The following FOXK1 variants were observed in gnomAD, a reference collection of about 807,000 sequenced individuals.
FOXK1 encodes forkhead box K1.
A neutral mutation model predicts 51.9 loss-of-function variants in FOXK1; 19 were observed. The ratio of observed to expected loss-of-function variants is 0.37; its 90% CI spans 0.26 to 0.54. FOXK1 has a LOEUF of 0.54. Among genes scored for constraint, FOXK1 ranks in the 20% least tolerant of loss-of-function variants. The pLI is 0.87. For missense variants in FOXK1, 870 were observed against 1,032.7 expected (o/e 0.84, Z 2.16); for synonymous variants, 537 against 482.6 (o/e 1.11, Z -1.48).
chr7:4,762,531 A>C lies in FOXK1; in HGVS notation c.*67A>C. On this transcript the variant is annotated 3_prime_UTR_variant, in exon 9 of 9. Transcript: ENST00000328914. The surrounding 1 kb of genome is among the most constrained non-coding windows in gnomAD (Gnocchi z 5.7). The stretch of plus-strand genomic sequence containing the variant: ...ACCCCGAAGCTGGACCCGGCAGCTC[A>C]GGCGGCCGCACCCACAGACGGAGGA... 6.9e-7 allele frequency: 1 copy of C among 1,457,724 alleles called. No homozygotes were observed. The allele number at this position is 1,457,724 out of a possible 1,614,324, so 90.3% of individuals were successfully genotyped here.
chr7:4,766,310 G>A lies in FOXK1; in HGVS notation c.*3846G>A, dbSNP rs1435055098. ...GCGCCATGCGCTCTGGGTGAAATGA[G>A]ACGCTGGTGTGGGGTCCCCATGTAG... On this transcript the variant is annotated 3_prime_UTR_variant, in exon 9 of 9. Coordinates refer to ENST00000328914, the MANE Select transcript of FOXK1 (RefSeq NM_001037165.2). This position sits in a 1 kb window ranked among gnomAD's most constrained non-coding sequence, Gnocchi z 5.5. 2 of 152,300 alleles carry A rather than the reference G, an allele frequency of 1.3e-5. No homozygotes were observed. The highest frequency in any genetic ancestry group is 4.8e-5 in the African/African-American group (2 of 41,458). 9.4% of individuals were successfully genotyped at this position (152,300 alleles called of 1,614,324 possible).
rs1040856337 is a variant in FOXK1 at position 4,703,488 on chromosome 7, C to A, written c.560+20620C>A. Among the ~76,000 whole-genome samples, 2 of 152,174 alleles carry A rather than the reference C, an allele frequency of 1.3e-5. No homozygotes were observed. The highest frequency in any genetic ancestry group is 4.8e-5 in the African/African-American group (2 of 41,458). On this transcript the variant is annotated intron_variant, in intron 1 of 8. Transcript: ENST00000328914. The surrounding 1 kb of genome is among the most constrained non-coding windows in gnomAD (Gnocchi z 5.6). ...CCTGGTGTCCTCGCCCCACAAGGCT[C>A]CCCCAGGGTGGCCCGACCCTGCTGC...
intron 1 of FOXK1, among the ~76,000 whole-genome samples, chr7:4,739,501 G>A (rs1054689035): frequency 6.6e-6 from 1 of 152,210 alleles, no homozygotes; most frequent in East Asian, 1.9e-4. Flanking sequence ...AAGGTGACCT[G>A]GATAAGTAAT....
rs1301139252 is a variant in FOXK1, at chr7:4,723,535, C to A, written c.561-17303C>A. ...CCTTCCTGTTGCCTCTAGGGCCTGT[C>A]CATCCCGTCAGCCCACGGTGCCTCT... On this transcript the variant is annotated intron_variant, in intron 1 of 8. Transcript: ENST00000328914. The surrounding 1 kb of genome is among the most constrained non-coding windows in gnomAD (Gnocchi z 4.7). Among the ~76,000 whole-genome samples, 3 of 152,152 alleles carry A rather than the reference C, an allele frequency of 2.0e-5. No homozygotes were observed. The highest frequency in any genetic ancestry group is 2.9e-5 in the Non-Finnish European group (2 of 68,036).
intron 1 of FOXK1, among the ~76,000 whole-genome samples, chr7:4,688,363 C>T (rs893175385): frequency 1.0e-4 from 15 of 149,786 alleles, no homozygotes; most frequent in Admixed American, 5.3e-4. Flanking sequence ...GTTTCTCTTA[C>T]TGTCGGCATG....
chr7:4,682,333 G>GGCGCCC lies in FOXK1; in HGVS notation c.32_37dup (p.Arg11_Ala12dup). The GGCGCCC allele has an allele frequency of 1.0e-6, 1 of 993,908 alleles. No homozygotes were observed. Among genetic ancestry groups the GGCGCCC allele is most frequent in the Non-Finnish European group, 1.2e-6 (1 of 837,678 alleles). 61.6% of individuals were successfully genotyped at this position (993,908 alleles called of 1,614,324 possible). ...CATGGCCGAAGTCGGCGAGGACAGCGGCGCCCGCGCCCTGCTCGCGCTGCG... is the reference window on the plus strand; with the variant it reads ...CATGGCCGAAGTCGGCGAGGACAGCGGCGCCCGCGCCCGCGCCCTGCTCGCGCTGCG... On this transcript the variant is annotated inframe_insertion, in exon 1 of 9. Transcript: ENST00000328914. The surrounding 1 kb of genome is among the most constrained non-coding windows in gnomAD (Gnocchi z 7.6).
At chr7:4,719,053 C>T (rs910808993) in intron 1 of FOXK1, among the ~76,000 whole-genome samples, 1 of 152,194 alleles carries the variant, frequency 6.6e-6, no homozygotes, top group African/African-American at 2.4e-5. Flanking sequence ...AGGTGATCCA[C>T]CCACCTTGGC....
chr7:4,731,430 C>T lies in FOXK1; in HGVS notation c.561-9408C>T, dbSNP rs528337522. Among the ~76,000 whole-genome samples, 1 of 152,320 alleles carries T rather than the reference C, an allele frequency of 6.6e-6. No individual in the cohort carries two copies. Among genetic ancestry groups the T allele is most frequent in the East Asian group, 1.9e-4 (1 of 5,178 alleles). On this transcript the variant is annotated intron_variant, in intron 1 of 8. Transcript: ENST00000328914. The surrounding 1 kb of genome is among the most constrained non-coding windows in gnomAD (Gnocchi z 5.3). ...CCCATTCTTGAGTCTTTCATTTCTT[C>T]AAGGACATGGTAGCAACATTTAAAG...
At chr7:4,701,991 C>G (rs1780026406) in intron 1 of FOXK1, among the ~76,000 whole-genome samples, 1 of 152,128 alleles carries the variant, frequency 6.6e-6, no homozygotes, top group African/African-American at 2.4e-5. Flanking sequence ...GAGAAGATCG[C>G]CTGAGCCTGG....
chr7:4,757,621 C>T (rs1203050675), intron 5 of FOXK1, among the ~76,000 whole-genome samples: 7 of 56,612 alleles, frequency 1.2e-4, no homozygotes, highest in Non-Finnish European at 2.2e-4. Flanking sequence ...GCGACAAGAG[C>T]AAAACTCCGT....
rs184859625 is a variant in FOXK1, at chr7:4,747,632, C to G, written c.746+6609C>G. Among the ~76,000 whole-genome samples the G allele has an allele frequency of 7.9e-5, 12 of 152,108 alleles. No individual in the cohort carries two copies. Among genetic ancestry groups the G allele is most frequent in the Admixed American group, 6.5e-4 (10 of 15,268 alleles). On this transcript the variant is annotated intron_variant, in intron 2 of 8. Coordinates refer to ENST00000328914, the MANE Select transcript of FOXK1 (RefSeq NM_001037165.2). The surrounding 1 kb of genome is among the most constrained non-coding windows in gnomAD (Gnocchi z 9.2). ...CTCACTGCAACCTCAACCTCCCGGG[C>G]TCAAGCGATCCTCCCACTGCAGCCT... is the stretch of plus-strand genomic sequence containing the variant.
intron 2 of FOXK1, among the ~76,000 whole-genome samples, chr7:4,744,401 C>G (rs1780674785): frequency 6.6e-6 from 1 of 152,180 alleles, no homozygotes; most frequent in South Asian, 2.1e-4. Flanking sequence ...ACCCCTCGCC[C>G]TCTCCCGCCT....
At position 4,683,002 on chromosome 7, in the gene FOXK1, C is replaced by T; in HGVS notation, c.560+134C>T. On this transcript the variant is annotated intron_variant, in intron 1 of 8. Coordinates refer to ENST00000328914, the MANE Select transcript of FOXK1 (RefSeq NM_001037165.2). The surrounding 1 kb of genome is among the most constrained non-coding windows in gnomAD (Gnocchi z 4.5). ...CACCCCCCGGCCCACCCCCGGTAAC[C>T]CCCGACCGGCCTGGACTCCGGGGTC... 4 of 933,430 alleles carry T rather than the reference C, an allele frequency of 4.3e-6. No individual in the cohort carries two copies. The South Asian group carries it at 7.7e-5, about 18-fold the overall frequency. The allele number at this position is 933,430 out of a possible 1,614,324, so 57.8% of individuals were successfully genotyped here.
chr7:4,697,151 G>T (rs906752484), intron 1 of FOXK1, among the ~76,000 whole-genome samples: 1 of 152,180 alleles, frequency 6.6e-6, no homozygotes, highest in African/African-American at 2.4e-5. Context: ...AGCGGCCTGG[G>T]CACGGCTGCA....
rs187296215 is a variant in FOXK1 at position 4,758,270 on chromosome 7, C to T, written c.1245-781C>T. ...CCCTCCCCCAGCCATTGCTGCCCAC[C>T]TGCTGCGTCAGGGCCTCCCCTGCCC... On this transcript the variant is annotated intron_variant, in intron 5 of 8. Coordinates refer to ENST00000328914, the MANE Select transcript of FOXK1 (RefSeq NM_001037165.2). The surrounding 1 kb of genome is among the most constrained non-coding windows in gnomAD (Gnocchi z 4.4). The T allele has an allele frequency of 8.5e-5, 13 of 152,456 alleles. 1 individual carries two copies. In the East Asian group the frequency reaches 2.5e-3, roughly 29 times the overall value. 9.4% of individuals were successfully genotyped at this position (152,456 alleles called of 1,614,324 possible).
intron 1 of FOXK1, among the ~76,000 whole-genome samples, chr7:4,718,545 A>T (rs1051233657): frequency 6.6e-6 from 1 of 152,176 alleles, no homozygotes; most frequent in Non-Finnish European, 1.5e-5. Context: ...TACAAATACA[A>T]TAGCTGCTGT....
At chr7:4,721,313 G>A (rs367723931) in intron 1 of FOXK1, among the ~76,000 whole-genome samples, 108 of 152,274 alleles carry the variant, frequency 7.1e-4, no homozygotes, top group African/African-American at 2.5e-3. Context: ...TTGAGCTGCC[G>A]GCCTAGCCCT....
intron 2 of FOXK1, among the ~76,000 whole-genome samples, chr7:4,752,590 G>T (rs79953335): frequency 0.025 from 3,876 of 152,356 alleles, 156 homozygotes; most frequent in African/African-American, 0.088. Context: ...GAGCCCGCCT[G>T]CCACCTCATG....
In FOXK1 at chr7:4,761,283, C is replaced by T; in HGVS notation, c.1916C>T (p.Ala639Val). The T allele has an allele frequency of 1.9e-6, 3 of 1,611,930 alleles. No individual in the cohort carries two copies. The highest frequency in any genetic ancestry group is 2.5e-6 in the Non-Finnish European group (3 of 1,179,902). Residue 639 changes from alanine to valine, a missense_variant, in exon 8 of 9, where the codon GCT becomes GTT. Physicochemically the swap from Ala to Val is moderately conservative, Grantham distance 64 (BLOSUM62 0). Around this residue, in one of 3 missense-constraint regions of FOXK1, gnomAD observed 457 missense variants for 510.8 expected, o/e 0.89. Transcript: ENST00000328914. The surrounding 1 kb of genome is among the most constrained non-coding windows in gnomAD (Gnocchi z 6.2). ...CCCACGAACAGTTTAGCCGGCAACG[C>T]TTACGGTGAGGCCCTGGCCCTGTTC... ...AVPTNSLAGN[A>V]YALTSPLQLL...
Sources: allele counts gnomAD v4.1 joint callset (sites outside exome capture counted in the v4.1 genomes callset), GRCh38; gene constraint gnomAD v4.1.1; regional missense constraint gnomAD v4.1.1; non-coding constraint Gnocchi (gnomAD v3.1); transcripts MANE v1.5; gene names NCBI Gene and HGNC (gene_info 2026-07-23, HGNC 2026-07-21).